Variants in PLCG2 observed in about 807,000 individuals in gnomAD.
PLCG2 encodes the protein 1-phosphatidylinositol 4,5-bisphosphate phosphodiesterase gamma-2.
In PLCG2, 69 loss-of-function variants were observed where a neutral mutation model predicts 175.6. The observed-to-expected ratio is 0.39, with a 90% CI of 0.32 to 0.48. PLCG2 has a LOEUF of 0.48. Ranked by LOEUF, PLCG2 falls within the 20% of genes least tolerant of loss-of-function variation. The pLI is 0.91. For missense variants in PLCG2, 1,798 were observed against 1,650.9 expected (o/e 1.09, Z -1.54); for synonymous variants, 827 against 624.0 (o/e 1.33, Z -4.85).
chr16:81,872,552 T>C (rs1168723612), intron 7 of PLCG2, among the ~76,000 whole-genome samples: 2 of 152,200 alleles, frequency 1.3e-5, no homozygotes, highest in African/African-American at 2.4e-5. Context: ...AAAAGTTCCA[T>C]AGAGCATAAA....
rs114446251 is a variant in PLCG2 at position 81,956,912 on chromosome 16, G to T, written c.3755+33G>T. On this transcript the variant is annotated intron_variant, in intron 32 of 32. Coordinates refer to ENST00000564138, the MANE Select transcript of PLCG2 (RefSeq NM_002661.5). ...AGCCCCTCCACCTGCAAAAACTTTT[G>T]GGGGGTCTCTAGGCACGGTGATGAT... The T allele has an allele frequency of 1.6e-3, 2,538 of 1,589,422 alleles. 44 individuals are homozygous for T. The African/African-American group carries it at 0.029, about 18-fold the overall frequency.
intron 31 of PLCG2, among the ~76,000 whole-genome samples, chr16:81,954,513 G>C (rs1911489145): frequency 6.6e-6 from 1 of 152,128 alleles, no homozygotes; most frequent in Non-Finnish European, 1.5e-5. Flanking sequence ...CCGCCAACTA[G>C]CCATGGTGTG....
rs929149205 is a variant in PLCG2 at position 81,910,730 on chromosome 16, T to C, written c.1934+10T>C. 3 of 1,604,966 alleles carry C rather than the reference T, an allele frequency of 1.9e-6. No individual in the cohort carries two copies. The highest frequency in any genetic ancestry group is 1.7e-5 in the Admixed American group (1 of 60,022). The stretch of plus-strand genomic sequence containing the variant: ...CCCACGAGTCCAAGCCGTACGTGTC[T>C]GAGGGTGGAGCAGGAGGCAGGCGGT... On this transcript the variant is annotated intron_variant, in intron 18 of 32. Transcript: ENST00000564138.
chr16:81,864,026 T>C (rs952955078), intron 5 of PLCG2, among the ~76,000 whole-genome samples: 9 of 152,206 alleles, frequency 5.9e-5, no homozygotes, highest in Non-Finnish European at 8.8e-5. Context: ...GCATGGCCTC[T>C]GGCGTTGCAA....
chr16:81,849,771 C>CAAAA (rs34130863), intron 2 of PLCG2, among the ~76,000 whole-genome samples: 1 of 83,148 alleles, frequency 1.2e-5, no homozygotes, highest in East Asian at 4.8e-4. Flanking sequence ...AACTCTGTCT[C>CAAAA]AAAAAAAAAA....
At chr16:81,849,318 C>CG (rs1221034632) in intron 2 of PLCG2, among the ~76,000 whole-genome samples, 1 of 152,116 alleles carries the variant, frequency 6.6e-6, no homozygotes, top group African/African-American at 2.4e-5. Flanking sequence ...AATGGATAGA[C>CG]GTTGACAGAT....
intron 2 of PLCG2, among the ~76,000 whole-genome samples, chr16:81,756,596 A>AGGT (rs1292633016): frequency 2.0e-5 from 3 of 152,098 alleles, no homozygotes; most frequent in African/African-American, 7.2e-5. Flanking sequence ...CCAGGCACAG[A>AGGT]GGTGGTGGGG....
At chr16:81,893,362 G>C (rs1002704403) in intron 11 of PLCG2, among the ~76,000 whole-genome samples, 2 of 152,256 alleles carry the variant, frequency 1.3e-5, no homozygotes, top group Admixed American at 6.5e-5. Context: ...AGGACCCAGA[G>C]AGCGGCCATG....
At chr16:81,931,961 C>T (rs1424301429) in intron 25 of PLCG2, among the ~76,000 whole-genome samples, 1 of 152,166 alleles carries the variant, frequency 6.6e-6, no homozygotes, top group Non-Finnish European at 1.5e-5. Context: ...GAAGTTACTG[C>T]CTTCCTCATT....
chr16:81,826,989 G>A (rs1294928796), intron 2 of PLCG2, among the ~76,000 whole-genome samples: 1 of 152,142 alleles, frequency 6.6e-6, no homozygotes, highest in Non-Finnish European at 1.5e-5. Flanking sequence ...CTTGATCCTG[G>A]ACTTGTTTCT....
Position 81,941,503 on chromosome 16 carries a change from T to C in PLCG2, c.3481+1444T>C, listed in dbSNP as rs559767016. Among the ~76,000 whole-genome samples, 38 of 152,128 alleles carry C rather than the reference T, an allele frequency of 2.5e-4. No individual in the cohort carries two copies. The South Asian group carries it at 7.7e-3, about 31-fold the overall frequency. ...GCTGCCTATCTTACCATTGAGGAAA[T>C]GAATTCCTTAGCAAGTTACTAGATG... On this transcript the variant is annotated intron_variant, in intron 30 of 32. Transcript: ENST00000564138.
At chr16:81,956,577 C>A in intron 31 of PLCG2, 118 bp from the exon 32 acceptor site, 1 of 744,908 alleles carries the variant, frequency 1.3e-6, no homozygotes, top group Non-Finnish European at 2.2e-6. Flanking sequence ...TGGGCTAATC[C>A]AAGTTGCAAA....
intron 2 of PLCG2, among the ~76,000 whole-genome samples, chr16:81,832,462 T>C (rs1170545729): frequency 6.6e-6 from 1 of 152,230 alleles, no homozygotes; most frequent in African/African-American, 2.4e-5. Flanking sequence ...TGATCACGGC[T>C]CACTGCAACC....
chr16:81,819,959 C>T (rs1904722674), intron 2 of PLCG2, among the ~76,000 whole-genome samples: 1 of 152,130 alleles, frequency 6.6e-6, no homozygotes, highest in African/African-American at 2.4e-5. Flanking sequence ...ATTCTAGAAC[C>T]TTTGGAAAAG....
At chr16:81,848,686 C>A (rs1042424557) in intron 2 of PLCG2, among the ~76,000 whole-genome samples, 2 of 152,154 alleles carry the variant, frequency 1.3e-5, no homozygotes, top group Non-Finnish European at 2.9e-5. Context: ...CTGTCCCTTT[C>A]CTCTTTCCAA....
At chr16:81,942,711 T>G (rs1910995337) in intron 30 of PLCG2, among the ~76,000 whole-genome samples, 1 of 152,106 alleles carries the variant, frequency 6.6e-6, no homozygotes, top group Non-Finnish European at 1.5e-5. Flanking sequence ...GACTATGACT[T>G]AACTTGCTCA....
upstream of PLCG2, among the ~76,000 whole-genome samples, chr16:81,777,751 C>T (rs1176476178): frequency 1.3e-5 from 2 of 152,174 alleles, no homozygotes; most frequent in Admixed American, 1.3e-4. Context: ...TGCAGTGGCT[C>T]ATGCCTGTAA....
Position 81,940,073 on chromosome 16 carries a change from TA to T in PLCG2, c.3481+16del. On this transcript the variant is annotated intron_variant, in intron 30 of 32. Coordinates refer to ENST00000564138, the MANE Select transcript of PLCG2 (RefSeq NM_002661.5). ...CAGTCAAATCAGGTAAGAGGCATTT[TA>T]ATTAAGATGTTCGATTTGGGCTGGC... is the stretch of plus-strand genomic sequence containing the variant. 6.3e-7 allele frequency: 1 copy of T among 1,592,280 alleles called. No individual in the cohort carries two copies. The highest frequency in any genetic ancestry group is 8.6e-7 in the Non-Finnish European group (1 of 1,161,722).
exon 1 of PLCG2, chr16:81,739,306 G>A (rs1180733825): frequency 6.6e-6 from 1 of 151,984 alleles, no homozygotes; most frequent in Non-Finnish European, 1.5e-5. Flanking sequence ...ACGTGCAAGC[G>A]GAAGAAATAG....
Sources: allele counts gnomAD v4.1 joint callset (sites outside exome capture counted in the v4.1 genomes callset), GRCh38; gene constraint gnomAD v4.1.1; transcripts MANE v1.5; gene names NCBI Gene and HGNC (gene_info 2026-07-23, HGNC 2026-07-21).